Variants in UBAC1 observed in about 807,000 individuals in gnomAD.
The protein encoded by UBAC1 is ubiquitin-associated domain-containing protein 1.
Under a neutral mutation model 45.9 loss-of-function variants are expected in UBAC1, and 27 were observed. The observed-to-expected ratio is 0.59, with a 90% CI of 0.43 to 0.81. The LOEUF is 0.81. UBAC1 is among the 30% of genes least tolerant of loss of function. UBAC1 has a pLI of 0.00. For missense variants in UBAC1, 529 were observed against 539.2 expected, an observed-to-expected ratio of 0.98 and a Z score of 0.19; for synonymous variants, 227 against 215.5, an observed-to-expected ratio of 1.05 and a Z score of -0.47.
chr9:135,937,498 C>T (rs564538187), intron 9 of UBAC1, among the ~76,000 whole-genome samples: 115 of 151,478 alleles, frequency 7.6e-4, no homozygotes, highest in Admixed American at 2.0e-3. Context: ...CCCAACGAGC[C>T]CTGGGTTCCC....
At position 135,945,236 on chromosome 9, in the gene UBAC1, T is replaced by C; in HGVS notation, c.668A>G (p.Gln223Arg). The C allele has an allele frequency of 2.5e-6, 4 of 1,589,154 alleles. No homozygotes were observed. Among genetic ancestry groups the C allele is most frequent in the Non-Finnish European group, 3.4e-6 (4 of 1,166,224 alleles). The change falls in exon 7 of 10, where the codon CAG (glutamine) becomes CGG (arginine). Residue 223 changes from glutamine (Q) to arginine (R), a missense_variant. Coordinates refer to ENST00000371756, the MANE Select transcript of UBAC1 (RefSeq NM_016172.3). ...GTGTTCAATTAGCCACTCCATGGCC[T>C]GAGGCACCGACATGCTGCAAGGCAA... Reference protein sequence around the residue: ...ALQLNHMSVPQAMEWLIEHAE... With the variant: ...ALQLNHMSVPRAMEWLIEHAE...
chr9:135,939,163 T>A lies in UBAC1; in HGVS notation c.963+510A>T, dbSNP rs141333725. ...GCTGCAGTGAGTGTGATCACACCGCTGCACTCCAGCCTGGGGGACAGAGTG... is the reference window on the plus strand; with the variant it reads ...GCTGCAGTGAGTGTGATCACACCGCAGCACTCCAGCCTGGGGGACAGAGTG... On this transcript the variant is annotated intron_variant, in intron 8 of 9. Coordinates refer to ENST00000371756, the MANE Select transcript of UBAC1 (RefSeq NM_016172.3). Among the ~76,000 whole-genome samples, 723 of 149,862 alleles carry A rather than the reference T, an allele frequency of 4.8e-3. 5 individuals are homozygous for A. The highest frequency in any genetic ancestry group is 0.017 in the African/African-American group (692 of 40,606).
chr9:135,955,005 C>A (rs916769209), intron 2 of UBAC1, among the ~76,000 whole-genome samples: 7 of 152,190 alleles, frequency 4.6e-5, no homozygotes, highest in Admixed American at 3.3e-4. Flanking sequence ...CCTGCAGAAC[C>A]CCTGGAGTCT....
Position 135,944,301 on chromosome 9 carries a change from G to A in UBAC1, c.876+727C>T, listed in dbSNP as rs371504023. Among the ~76,000 whole-genome samples the A allele has an allele frequency of 3.9e-5, 6 of 152,234 alleles. No individual in the cohort carries two copies. The East Asian group carries it at 1.2e-3, about 30-fold the overall frequency. On this transcript the variant is annotated intron_variant, in intron 7 of 9. Coordinates refer to ENST00000371756, the MANE Select transcript of UBAC1 (RefSeq NM_016172.3). ...ACCCCAGGTGGATGTCTACAGCCTG[G>A]CCACATGGAACTCCATGGAAAACAC...
At chr9:135,952,522 G>A (rs534160502) in intron 3 of UBAC1, among the ~76,000 whole-genome samples, 42 of 152,330 alleles carry the variant, frequency 2.8e-4, no homozygotes, top group African/African-American at 8.4e-4. Context: ...AGCTTCTAGG[G>A]CAGCCAGTAA....
chr9:135,950,822 G>A (rs908567349), intron 3 of UBAC1, among the ~76,000 whole-genome samples: 1 of 152,190 alleles, frequency 6.6e-6, no homozygotes, highest in Non-Finnish European at 1.5e-5. Context: ...GGCCGGGCAT[G>A]GTGGTTCACG....
chr9:135,961,321 G>A lies in UBAC1; in HGVS notation c.-159C>T, dbSNP rs1408162845. ...CGGCCGGGCCGCCGTCACTCTCCGCGGCCTCAGCGGTCGCCTCGCTCCCGC... is the reference window on the plus strand; with the variant it reads ...CGGCCGGGCCGCCGTCACTCTCCGCAGCCTCAGCGGTCGCCTCGCTCCCGC... On this transcript the variant is annotated 5_prime_UTR_variant, in exon 1 of 10. Transcript: ENST00000371756. 6.3e-6 allele frequency: 3 copies of A among 479,024 alleles called. No homozygotes were observed. Among genetic ancestry groups the A allele is most frequent in the Non-Finnish European group, 5.5e-6 (2 of 362,848 alleles). The allele number at this position is 479,024 out of a possible 1,614,324, so 29.7% of individuals were successfully genotyped here.
At chr9:135,956,388 G>A (rs573947343) in intron 1 of UBAC1, among the ~76,000 whole-genome samples, 74 of 152,290 alleles carry the variant, frequency 4.9e-4, no homozygotes, top group African/African-American at 1.6e-3. Flanking sequence ...ACTGGCTTGC[G>A]GGAGTCCTGC....
At chr9:135,940,679 G>C (rs558379988) in intron 7 of UBAC1, among the ~76,000 whole-genome samples, 4 of 152,156 alleles carry the variant, frequency 2.6e-5, no homozygotes, top group African/African-American at 9.6e-5. Flanking sequence ...TTTTGGGGAA[G>C]GACATACATT....
intron 9 of UBAC1, among the ~76,000 whole-genome samples, chr9:135,934,085 C>A (rs1050246526): frequency 2.0e-5 from 3 of 152,256 alleles, no homozygotes; most frequent in African/African-American, 4.8e-5. Flanking sequence ...TCTGTTCCAC[C>A]CACTGTGAAG....
At chr9:135,938,523 C>A (rs537184309) in intron 8 of UBAC1, among the ~76,000 whole-genome samples, 163 bp from the exon 9 acceptor site, 53 of 152,388 alleles carry the variant, frequency 3.5e-4, no homozygotes, top group African/African-American at 1.2e-3. Flanking sequence ...CAAACGCAGT[C>A]TGGATTCACT....
At chr9:135,947,171 C>T (rs905104503) in intron 4 of UBAC1, among the ~76,000 whole-genome samples, 2 of 152,224 alleles carry the variant, frequency 1.3e-5, no homozygotes, top group African/African-American at 2.4e-5. Flanking sequence ...CCTGCTGCGG[C>T]GTCCACGTGA....
chr9:135,938,145 C>T (rs764276955), intron 9 of UBAC1, 77 bp downstream of exon 9: 125 of 1,564,898 alleles, frequency 8.0e-5, no homozygotes, highest in Non-Finnish European at 1.0e-4. Flanking sequence ...GTATCGCCTC[C>T]GCAGCACCTA....
At chr9:135,941,838 T>C (rs900397989) in intron 7 of UBAC1, among the ~76,000 whole-genome samples, 1 of 152,256 alleles carries the variant, frequency 6.6e-6, no homozygotes, top group Non-Finnish European at 1.5e-5. Flanking sequence ...AAATCTGTTT[T>C]GGCCTCAAGT....
intron 1 of UBAC1, among the ~76,000 whole-genome samples, chr9:135,956,670 G>A (rs1303058380): frequency 6.6e-6 from 1 of 152,158 alleles, no homozygotes; most frequent in African/African-American, 2.4e-5. Flanking sequence ...CGCCTCCCCA[G>A]CCGGAATCGT....
intron 3 of UBAC1, among the ~76,000 whole-genome samples, chr9:135,952,511 G>A (rs1453434195): frequency 2.0e-5 from 3 of 152,226 alleles, no homozygotes; most frequent in Non-Finnish European, 4.4e-5. Flanking sequence ...TCCAAAACAT[G>A]AGCTTCTAGG....
intron 4 of UBAC1, among the ~76,000 whole-genome samples, chr9:135,946,864 G>A (rs1167433750): frequency 1.3e-5 from 2 of 152,254 alleles, no homozygotes. Context: ...CCTGGCTACA[G>A]GGCCTAGAGG....
chr9:135,953,828 A>G, intron 2 of UBAC1, 75 bp from the exon 3 acceptor site: 1 of 1,355,066 alleles, frequency 7.4e-7, no homozygotes, highest in Non-Finnish European at 1.0e-6. Context: ...AGGGTGCTGG[A>G]TGCCCTGAGA....
intron 8 of UBAC1, among the ~76,000 whole-genome samples, chr9:135,938,821 G>C (rs547388155): frequency 1.1e-3 from 164 of 152,234 alleles, no homozygotes; most frequent in Non-Finnish European, 2.2e-3. Context: ...GGTGGGGGGG[G>C]GATGTGGGCC....
Sources: gnomAD v4.1 joint callset for allele counts (sites outside exome capture counted in the v4.1 genomes callset) on GRCh38, gnomAD v4.1.1 for gene constraint, MANE v1.5 for transcripts, NCBI Gene and HGNC (gene_info 2026-07-23, HGNC 2026-07-21) for gene names.